The following MS4A18 variants were observed in gnomAD, a reference collection of about 807,000 sequenced individuals.
MS4A18 encodes the protein membrane-spanning 4-domains subfamily A member 18.
A neutral mutation model predicts 13.1 loss-of-function variants in MS4A18; 27 were observed. The ratio of observed to expected loss-of-function variants is 2.06; its 90% CI spans 1.52 to 2.84. The LOEUF (loss-of-function observed/expected upper bound fraction) is 2.84. Ranked by LOEUF, MS4A18 falls within the 30% of genes most tolerant of loss-of-function variation. MS4A18 has a pLI of 0.00. For missense variants in MS4A18, 307 were observed against 196.4 expected, an observed-to-expected ratio of 1.56 and a Z score of -3.37; for synonymous variants, 126 against 76.5, an observed-to-expected ratio of 1.65 and a Z score of -3.38.
At chr11:60,743,107 G>A (rs1853432257) in intron 5 of MS4A18, among the ~76,000 whole-genome samples, 1 of 152,218 alleles carries the variant, frequency 6.6e-6, no homozygotes. Flanking sequence ...CCCAATGCAT[G>A]TGTTGGATTA....
upstream of MS4A18, among the ~76,000 whole-genome samples, chr11:60,727,826 T>G (rs887553417): frequency 2.6e-5 from 4 of 152,198 alleles, no homozygotes; most frequent in African/African-American, 9.7e-5. Context: ...GAGGGCTACA[T>G]GCCTACCTCC....
intron 1 of MS4A18, 68 bp from the exon 3 acceptor site, chr11:60,733,466 C>CA: frequency 1.4e-6 from 1 of 701,030 alleles, no homozygotes; most frequent in Non-Finnish European, 2.6e-6. Context: ...AGCCAGGGTG[C>CA]AAAGCACAGC....
chr11:60,742,775 G>C (rs1190845268), intron 5 of MS4A18, among the ~76,000 whole-genome samples: 1 of 152,168 alleles, frequency 6.6e-6, no homozygotes, highest in African/African-American at 2.4e-5. Flanking sequence ...AATACCACTT[G>C]CAAACTAAAT....
intron 1 of MS4A18, among the ~76,000 whole-genome samples, chr11:60,732,229 G>A (rs1456105092): frequency 6.6e-6 from 1 of 152,196 alleles, no homozygotes; most frequent in South Asian, 2.1e-4. Context: ...ATTTCAGGAG[G>A]AGGAGAGTAA....
At chr11:60,744,211 T>C in exon 6 of MS4A18, 1 of 545,488 alleles carries the variant, frequency 1.8e-6, no homozygotes, top group Non-Finnish European at 3.3e-6. Flanking sequence ...AATTTTCCTT[T>C]GGCTCTCAGT....
intron 2 of MS4A18, among the ~76,000 whole-genome samples, chr11:60,735,052 G>A (rs1854415676): frequency 6.6e-6 from 1 of 151,974 alleles, no homozygotes; most frequent in Non-Finnish European, 1.5e-5. Flanking sequence ...TAAAGCGCTG[G>A]GATTACAGGC....
At chr11:60,726,767 AT>A (rs947058813), upstream of MS4A18, among the ~76,000 whole-genome samples, 3 of 148,560 alleles carry the variant, frequency 2.0e-5, no homozygotes, top group Non-Finnish European at 4.5e-5. Flanking sequence ...ATTTTATTTT[AT>A]TTTATTTTTA....
exon 2 of MS4A18, chr11:60,733,564 A>G: frequency 2.8e-6 from 2 of 703,204 alleles, no homozygotes; most frequent in East Asian, 5.4e-5. Context: ...CCTGACGCAC[A>G]TTTTCTCTGC....
intron 5 of MS4A18, among the ~76,000 whole-genome samples, chr11:60,741,469 T>C (rs725278): frequency 0.15 from 22,096 of 152,044 alleles, 1,771 homozygotes; most frequent in East Asian, 0.25. Flanking sequence ...TATCTCATCC[T>C]CCAGTACGCC....
chr11:60,729,924 A>G lies in MS4A18; in HGVS notation c.477+132A>G, dbSNP rs573989590. ...GTGGGGGGCAGTTTCTGGAGGCTGG[A>G]CCCAGTACAATCACCCAGATGCTGG... On this transcript the variant is annotated intron_variant, in intron 1 of 5. Transcript: ENST00000529108. 21 of 599,350 alleles carry G rather than the reference A, an allele frequency of 3.5e-5. No individual in the cohort carries two copies. The East Asian group carries it at 5.0e-4, about 14-fold the overall frequency. 37.1% of individuals were successfully genotyped at this position (599,350 alleles called of 1,614,324 possible).
chr11:60,737,970 A>G (rs1028606121), intron 3 of MS4A18, among the ~76,000 whole-genome samples: 1 of 152,232 alleles, frequency 6.6e-6, no homozygotes, highest in African/African-American at 2.4e-5. Flanking sequence ...ATATCCCAAC[A>G]GGACTGGGAA....
upstream of MS4A18, among the ~76,000 whole-genome samples, chr11:60,728,589 G>T (rs1225505624): frequency 6.6e-6 from 1 of 151,396 alleles, no homozygotes; most frequent in African/African-American, 2.4e-5. Flanking sequence ...GTGTCTGTCT[G>T]TCTGTGTCTG....
chr11:60,738,952 C>T (rs185314946), exon 4 of MS4A18: 34 of 703,238 alleles, frequency 4.8e-5, no homozygotes, highest in East Asian at 3.0e-4. Context: ...TCGCCTTTGC[C>T]GGGATCTTCA....
chr11:60,731,859 G>A (rs149718904), intron 1 of MS4A18, among the ~76,000 whole-genome samples: 1 of 152,246 alleles, frequency 6.6e-6, no homozygotes, highest in African/African-American at 2.4e-5. Flanking sequence ...AGCCAGATTT[G>A]CTTCAGCCTC....
chr11:60,734,351 G>A (rs1275413137), intron 2 of MS4A18, among the ~76,000 whole-genome samples: 3 of 152,170 alleles, frequency 2.0e-5, no homozygotes, highest in African/African-American at 4.8e-5. Flanking sequence ...TATGGGAGCC[G>A]ACTGCAAAAT....
intron 1 of MS4A18, among the ~76,000 whole-genome samples, chr11:60,733,080 T>C (rs1299889248): frequency 1.3e-5 from 2 of 152,206 alleles, no homozygotes; most frequent in Non-Finnish European, 2.9e-5. Flanking sequence ...GAATGCTACG[T>C]TTTCTAGGAT....
chr11:60,736,064 G>A (rs973817017), intron 2 of MS4A18, among the ~76,000 whole-genome samples: 5 of 152,122 alleles, frequency 3.3e-5, no homozygotes, highest in African/African-American at 1.2e-4. Flanking sequence ...GAATAATCCT[G>A]TATTTGCATG....
chr11:60,733,494 C>G (rs557221082), intron 1 of MS4A18, 40 bp from the exon 3 acceptor site: 3 of 702,994 alleles, frequency 4.3e-6, no homozygotes, highest in Non-Finnish European at 7.8e-6. Context: ...CCCACAGGCC[C>G]GCAGTTCTGC....
chr11:60,744,082 C>T lies in MS4A18; in HGVS notation c.*88C>T, dbSNP rs181932408. 2.0e-3 allele frequency: 1,278 copies of T among 644,904 alleles called. 1 individual carries two copies. Among genetic ancestry groups the T allele is most frequent in the Non-Finnish European group, 3.0e-3 (1,054 of 353,238 alleles). The allele number at this position is 644,904 out of a possible 1,614,324, so 39.9% of individuals were successfully genotyped here. ...GCTGTATCTTTTCTTCTCCCTGAAA[C>T]TTCCATGACCATGACCCTAGCCTTG... On this transcript the variant is annotated 3_prime_UTR_variant, in exon 6 of 6. Coordinates refer to ENST00000529108, the Ensembl canonical transcript of MS4A18.
Sources: allele counts gnomAD v4.1 joint callset (sites outside exome capture counted in the v4.1 genomes callset), GRCh38; gene constraint gnomAD v4.1.1; transcripts MANE v1.5; gene names NCBI Gene and HGNC (gene_info 2026-07-23, HGNC 2026-07-21).